CARD18: variants seen among roughly 807,000 people sequenced by gnomAD.
CARD18 encodes caspase recruitment domain-containing protein 18.
In CARD18, 7 loss-of-function variants were observed where a neutral mutation model predicts 7.9. The observed-to-expected ratio is 0.88, with a 90% CI of 0.50 to 1.66. The LOEUF (loss-of-function observed/expected upper bound fraction) is 1.66. CARD18 is among the 40% of genes most tolerant of loss of function. The pLI, the probability that CARD18 is intolerant of heterozygous loss-of-function variation, is 0.00. For missense variants in CARD18, 134 were observed against 105.5 expected (o/e 1.27, Z -1.18); for synonymous variants, 34 against 34.8 (o/e 0.98, Z 0.08).
At position 105,138,807 on chromosome 11, in the gene CARD18, C is replaced by T. The variant is rs374259896; in HGVS notation, c.*1+5G>A. The T allele has an allele frequency of 3.7e-6, 6 of 1,613,036 alleles. No homozygotes were observed. The highest frequency in any genetic ancestry group is 5.1e-6 in the Non-Finnish European group (6 of 1,179,380). On this transcript the variant is annotated splice_donor_5th_base_variant and intron_variant, in intron 2 of 2. Coordinates refer to ENST00000530950, the MANE Select transcript of CARD18 (RefSeq NM_021571.4). ...TGGACATTAGGTTGAATCATTCCAC[C>T]TTACCTTAGTGCAAACCCATCTTTG... is the stretch of plus-strand genomic sequence containing the variant.
chr11:105,139,620 A>T (rs981053809), intron 1 of CARD18, 100 bp downstream of exon 1: 1 of 1,334,322 alleles, frequency 7.5e-7, no homozygotes, highest in African/African-American at 1.4e-5. Context: ...CTCCACCCCA[A>T]GGCTGCCCAC....
Position 105,137,905 on chromosome 11 carries a change from T to A in CARD18, c.*195A>T, listed in dbSNP as rs1398403606. Reference sequence around the variant, plus strand: ...TCATTATTATTGATGAATTATCCTCTGTTGGTATGAGGAGAGAAAGAATAA... The same window carrying A: ...TCATTATTATTGATGAATTATCCTCAGTTGGTATGAGGAGAGAAAGAATAA... On this transcript the variant is annotated 3_prime_UTR_variant, in exon 3 of 3. Coordinates refer to ENST00000530950, the MANE Select transcript of CARD18 (RefSeq NM_021571.4). 6.6e-6 allele frequency: 1 copy of A among 152,194 alleles called. No individual in the cohort carries two copies. The highest frequency in any genetic ancestry group is 2.4e-5 in the African/African-American group (1 of 41,450). 9.4% of individuals were successfully genotyped at this position (152,194 alleles called of 1,614,324 possible). A position where few individuals can be genotyped will look rare whatever the true frequency, so the allele number is the denominator to read the frequency against.
intron 2 of CARD18, 100 bp downstream of exon 2, chr11:105,138,712 A>G: frequency 7.6e-7 from 1 of 1,315,664 alleles, no homozygotes; most frequent in Non-Finnish European, 1.1e-6. Flanking sequence ...CTAAAATGAT[A>G]GGAACCCTAT....
At position 105,139,175 on chromosome 11, in the gene CARD18, C is replaced by G. The variant is rs528836296; in HGVS notation, c.8-97G>C. 2.0e-3 allele frequency: 2,609 copies of G among 1,334,008 alleles called. 60 individuals carry two copies. In the South Asian group the frequency reaches 0.033, roughly 17 times the overall value. 82.6% of individuals were successfully genotyped at this position (1,334,008 alleles called of 1,614,324 possible). On this transcript the variant is annotated intron_variant, in intron 1 of 2. Transcript: ENST00000530950. The stretch of plus-strand genomic sequence containing the variant: ...ACAATCATTTAAACATTTCTCTCCA[C>G]AAGTACAGTAATCCCAAGGAACGGT...
rs1865427034 is a variant in CARD18, at chr11:105,138,045, C to T, written c.*55G>A. ...TTTTCTTTCACGAGAATATCTTCTC[C>T]CTTGGAAGAAGCTCTGGGAAGTCTC... On this transcript the variant is annotated 3_prime_UTR_variant, in exon 3 of 3. Transcript: ENST00000530950. The T allele has an allele frequency of 6.6e-6, 1 of 151,716 alleles. No homozygotes were observed. Among genetic ancestry groups the T allele is most frequent in the Non-Finnish European group, 1.5e-5 (1 of 67,960 alleles). The allele number at this position is 151,716 out of a possible 1,614,324, so 9.4% of individuals were successfully genotyped here. A position where few individuals can be genotyped will look rare whatever the true frequency, so the allele number is the denominator to read the frequency against.
At chr11:105,139,548 C>T in intron 1 of CARD18, 172 bp downstream of exon 1, 1 of 638,690 alleles carries the variant, frequency 1.6e-6, no homozygotes, top group African/African-American at 1.8e-5. Context: ...TTATCTGTTC[C>T]TTCAAAAACG....
At chr11:105,139,244 G>T in intron 1 of CARD18, 166 bp from the exon 2 acceptor site, 1 of 712,884 alleles carries the variant, frequency 1.4e-6, no homozygotes, top group Non-Finnish European at 2.3e-6. Flanking sequence ...TCTGATTCTA[G>T]CATTACCTAC....
At position 105,138,995 on chromosome 11, in the gene CARD18, CT is replaced by C. The variant is rs780732366; in HGVS notation, c.90del (p.Glu31ArgfsTer10). On this transcript the variant is annotated frameshift_variant, in exon 2 of 3. Coordinates refer to ENST00000530950, the MANE Select transcript of CARD18 (RefSeq NM_021571.4). LOFTEE classifies it high-confidence loss of function. ...GTINALLDCL[L>X]EDEVISQEDM... ...TCTTCCTGGCTAATAACTTCATCCTCTAATAGGCAATCCAGCAAGGCATTTA... is the reference window on the plus strand; with the variant it reads ...TCTTCCTGGCTAATAACTTCATCCTCAATAGGCAATCCAGCAAGGCATTTA... 1.2e-6 allele frequency: 2 copies of C among 1,613,684 alleles called. No individual in the cohort carries two copies. Among genetic ancestry groups the C allele is most frequent in the Non-Finnish European group, 1.7e-6 (2 of 1,179,706 alleles).
rs1273021095 is a variant in CARD18, at chr11:105,138,078, C to G, written c.*22G>C. ...GAAGCTCTGGGAAGTCTCTGAAGTGCTCCAGAGTTCCATCTTCTCTCTGTG... is the reference window on the plus strand; with the variant it reads ...GAAGCTCTGGGAAGTCTCTGAAGTGGTCCAGAGTTCCATCTTCTCTCTGTG... On this transcript the variant is annotated 3_prime_UTR_variant, in exon 3 of 3. Coordinates refer to ENST00000530950, the MANE Select transcript of CARD18 (RefSeq NM_021571.4). 10 of 152,100 alleles carry G rather than the reference C, an allele frequency of 6.6e-5. No homozygotes were observed. The highest frequency in any genetic ancestry group is 2.0e-4 in the Admixed American group (3 of 15,258). The allele number at this position is 152,100 out of a possible 1,614,324, so 9.4% of individuals were successfully genotyped here. A position where few individuals can be genotyped will look rare whatever the true frequency, so the allele number is the denominator to read the frequency against.
chr11:105,138,476 G>T (rs1865433445), intron 2 of CARD18, among the ~76,000 whole-genome samples: 1 of 152,046 alleles, frequency 6.6e-6, no homozygotes, highest in African/African-American at 2.4e-5. Context: ...GGCTTCTTAG[G>T]CTCAAGAGGG....
chr11:105,139,120 C>A, intron 1 of CARD18, 42 bp from the exon 2 acceptor site: 1 of 1,583,260 alleles, frequency 6.3e-7, no homozygotes, highest in African/African-American at 1.3e-5. Flanking sequence ...GAACATGACA[C>A]AATTTCCCTC....
At position 105,139,717 on chromosome 11, in the gene CARD18, C is replaced by A; in HGVS notation, c.7+3G>T. On this transcript the variant is annotated splice_donor_region_variant and intron_variant, in intron 1 of 2. Coordinates refer to ENST00000530950, the MANE Select transcript of CARD18 (RefSeq NM_021571.4). ...ACCTATCCTCTTACTGGGGAAGACT[C>A]ACCAGCCATGGCTCCTCACGTTGGC... 1 of 1,599,006 alleles carries A rather than the reference C, an allele frequency of 6.3e-7. No individual in the cohort carries two copies. The highest frequency in any genetic ancestry group is 8.5e-7 in the Non-Finnish European group (1 of 1,179,412).
chr11:105,138,031 G>A lies in CARD18; in HGVS notation c.*69C>T, dbSNP rs868460457. 2.0e-5 allele frequency: 3 copies of A among 151,924 alleles called. No individual in the cohort carries two copies. Among genetic ancestry groups the A allele is most frequent in the South Asian group, 2.1e-4 (1 of 4,812 alleles). 9.4% of individuals were successfully genotyped at this position (151,924 alleles called of 1,614,324 possible). On this transcript the variant is annotated 3_prime_UTR_variant, in exon 3 of 3. Coordinates refer to ENST00000530950, the MANE Select transcript of CARD18 (RefSeq NM_021571.4). ...GTTTTGTTTTGTTTTTTTCTTTCAC[G>A]AGAATATCTTCTCCCTTGGAAGAAG... is the stretch of plus-strand genomic sequence containing the variant.
rs1865442203 is a variant in CARD18 at position 105,139,071 on chromosome 11, G to A, written c.15C>T (p.Leu5=). The A allele has an allele frequency of 6.2e-7, 1 of 1,612,326 alleles. No homozygotes were observed. Among genetic ancestry groups the A allele is most frequent in the Non-Finnish European group, 8.5e-7 (1 of 1,179,138 alleles). The change falls in exon 2 of 3, where the codon CTC becomes CTT. Residue 5 remains leucine (L), a synonymous_variant. Transcript: ENST00000530950. MADQ[L]LRKKRRIFIH... ...TAAAAATTCTTCTCTTTTTACGCAAGAGTTGGTCTGTTGGAAGCACAAAGA... is the reference window on the plus strand; with the variant it reads ...TAAAAATTCTTCTCTTTTTACGCAAAAGTTGGTCTGTTGGAAGCACAAAGA...
chr11:105,138,467 G>A (rs79107364), intron 2 of CARD18, among the ~76,000 whole-genome samples: 4 of 152,032 alleles, frequency 2.6e-5, no homozygotes, highest in African/African-American at 9.7e-5. Flanking sequence ...AAATACATGG[G>A]CTTCTTAGGC....
At chr11:105,138,728 A>G (rs1460036766) in intron 2 of CARD18, 84 bp downstream of exon 2, 2 of 1,455,666 alleles carry the variant, frequency 1.4e-6, no homozygotes, top group Non-Finnish European at 1.9e-6. Context: ...CCTATTATCA[A>G]CTGACAAGAC....
chr11:105,139,729 C>G lies in CARD18; in HGVS notation c.-3G>C. The G allele has an allele frequency of 6.3e-7, 1 of 1,599,006 alleles. No individual in the cohort carries two copies. ...ACTGGGGAAGACTCACCAGCCATGG[C>G]TCCTCACGTTGGCACTTGCAATGTG... is the stretch of plus-strand genomic sequence containing the variant. On this transcript the variant is annotated 5_prime_UTR_variant, in exon 1 of 3. Coordinates refer to ENST00000530950, the MANE Select transcript of CARD18 (RefSeq NM_021571.4).
rs374028675 is a variant in CARD18, at chr11:105,139,672, C to A, written c.7+48G>T. The A allele has an allele frequency of 2.5e-6, 4 of 1,595,748 alleles. No individual in the cohort carries two copies. The Middle Eastern group carries it at 5.0e-4, about 198-fold the overall frequency. ...CCTAATGAGAAAGGCAGTCCTTTCC[C>A]AAACTAATTCCTCCCTAAGACCTAT... On this transcript the variant is annotated intron_variant, in intron 1 of 2. Coordinates refer to ENST00000530950, the MANE Select transcript of CARD18 (RefSeq NM_021571.4).
intron 1 of CARD18, 101 bp downstream of exon 1, chr11:105,139,619 A>G: frequency 2.3e-6 from 3 of 1,327,800 alleles, no homozygotes; most frequent in Non-Finnish European, 3.2e-6. Flanking sequence ...TCTCCACCCC[A>G]AGGCTGCCCA....
Sources: gnomAD v4.1 joint callset for allele counts (sites outside exome capture counted in the v4.1 genomes callset) on GRCh38, gnomAD v4.1.1 for gene constraint, MANE v1.5 for transcripts, NCBI Gene and HGNC (gene_info 2026-07-23, HGNC 2026-07-21) for gene names.